The following RPH3AL variants were observed in gnomAD, a reference collection of about 807,000 sequenced individuals.
RPH3AL encodes the protein rab effector Noc2.
In RPH3AL, 38 loss-of-function variants were observed where a neutral mutation model predicts 43.1. That is an observed-to-expected ratio of 0.88 (90% CI 0.68 to 1.15). The LOEUF (loss-of-function observed/expected upper bound fraction) is 1.15. Among genes scored for constraint, RPH3AL ranks in the 50% most tolerant of loss-of-function variants. The pLI, the probability that RPH3AL is intolerant of heterozygous loss-of-function variation, is 0.00. For missense variants in RPH3AL, 462 were observed against 423.2 expected, an observed-to-expected ratio of 1.09 and a Z score of -0.81; for synonymous variants, 189 against 176.3, an observed-to-expected ratio of 1.07 and a Z score of -0.57.
rs1460941477 is a variant in RPH3AL at position 213,910 on chromosome 17, G to T, written c.890C>A (p.Pro297His). 1 of 1,613,084 alleles carries T rather than the reference G, an allele frequency of 6.2e-7. No individual in the cohort carries two copies. Among genetic ancestry groups the T allele is most frequent in the Non-Finnish European group, 8.5e-7 (1 of 1,179,822 alleles). ...TGCGTCAGCAGCGGGGGCTCGTCCA[G>T]GTGTGTCTTTTACCTTTGGATGAGA... Reference protein sequence around the residue: ...LTRRAPVKDTPGRAPAADAAP... With the variant: ...LTRRAPVKDTHGRAPAADAAP... Residue 297 changes from proline to histidine, a missense_variant, in exon 10 of 10, where the codon CCT becomes CAT. By Grantham distance (77) the Pro-to-His change is moderately conservative. Transcript: ENST00000331302.
chr17:219,603 C>T lies in RPH3AL; in HGVS notation c.727+20G>A. ...TGCACCGTGCCCGGCCAATAAGCAG[C>T]ATTTCACTCCCCACCTTACCTGACT... On this transcript the variant is annotated intron_variant, in intron 8 of 9. Transcript: ENST00000331302. 1 of 1,416,234 alleles carries T rather than the reference C, an allele frequency of 7.1e-7. No individual in the cohort carries two copies. Among genetic ancestry groups the T allele is most frequent in the Non-Finnish European group, 9.6e-7 (1 of 1,039,244 alleles). The allele number at this position is 1,416,234 out of a possible 1,614,324, so 87.7% of individuals were successfully genotyped here. A position where few individuals can be genotyped will look rare whatever the true frequency, so the allele number is the denominator to read the frequency against.
intron 2 of RPH3AL, among the ~76,000 whole-genome samples, chr17:329,679 A>G (rs748589811): frequency 3.3e-5 from 5 of 152,172 alleles, no homozygotes; most frequent in Non-Finnish European, 5.9e-5. Flanking sequence ...GACAAATGAC[A>G]CTGTTTTACA....
chr17:272,406 C>T (rs1052477310), intron 6 of RPH3AL, among the ~76,000 whole-genome samples: 1 of 151,828 alleles, frequency 6.6e-6, no homozygotes, highest in African/African-American at 2.4e-5. Context: ...ACATATACAC[C>T]ATGGAGTACT....
chr17:303,042 G>A (rs1023502609), intron 5 of RPH3AL, among the ~76,000 whole-genome samples: 1 of 152,222 alleles, frequency 6.6e-6, no homozygotes, highest in Non-Finnish European at 1.5e-5. Context: ...CAATAAACTT[G>A]GCAGTTCTCT....
At chr17:280,665 C>T (rs1286618823) in intron 6 of RPH3AL, among the ~76,000 whole-genome samples, 1 of 152,166 alleles carries the variant, frequency 6.6e-6, no homozygotes, top group Non-Finnish European at 1.5e-5. Flanking sequence ...ACCCACGAAA[C>T]CAATGGGGAA....
intron 7 of RPH3AL, among the ~76,000 whole-genome samples, chr17:243,356 T>TTCCTCTATTGATTACCCC: frequency 7.5e-6 from 1 of 133,520 alleles, no homozygotes; most frequent in Admixed American, 7.5e-5. Flanking sequence ...CTGATTACCC[T>TTCCTCTATTGATTACCCC]TCCTCTATTG....
Position 274,910 on chromosome 17 carries a change from A to C in RPH3AL, c.438+6858T>G, listed in dbSNP as rs1212587436. Among the ~76,000 whole-genome samples, 5 of 152,222 alleles carry C rather than the reference A, an allele frequency of 3.3e-5. No homozygotes were observed. The highest frequency in any genetic ancestry group is 1.2e-4 in the African/African-American group (5 of 41,448). On this transcript the variant is annotated intron_variant, in intron 6 of 9. Coordinates refer to ENST00000331302, the MANE Select transcript of RPH3AL (RefSeq NM_006987.4). The surrounding 1 kb of genome is among the most constrained non-coding windows in gnomAD (Gnocchi z 4.7). ...AATAAAATAGAAAACCAAAAGAAGA[A>C]AAGGAGCAAAATAAAGGAAATAATG...
chr17:250,943 T>G (rs2151552333), intron 6 of RPH3AL, among the ~76,000 whole-genome samples: 1 of 152,358 alleles, frequency 6.6e-6, no homozygotes, highest in East Asian at 1.9e-4. Flanking sequence ...TAAGCTCAGG[T>G]GCACAGGGTT....
rs77379482 is a variant in RPH3AL at position 218,466 on chromosome 17, C to T, written c.727+1157G>A. 1.2e-3 allele frequency among the ~76,000 whole-genome samples: 51 copies of T among 41,492 alleles called. No homozygotes were observed. In the East Asian group the frequency reaches 0.034, roughly 28 times the overall value. The allele number at this position is 41,492 out of a possible 152,430, so 27.2% of individuals were successfully genotyped here. On this transcript the variant is annotated intron_variant, in intron 8 of 9. Transcript: ENST00000331302. ...TCTTCTTCTGCACTAAAATTGGCCT[C>T]GCTGAAATCAGGACCTCCAAGGCAT...
rs139713721 is a variant in RPH3AL at position 247,986 on chromosome 17, C to G, written c.439-701G>C. Among the ~76,000 whole-genome samples, 302 of 152,236 alleles carry G rather than the reference C, an allele frequency of 2.0e-3. 1 individual carries two copies. Among genetic ancestry groups the G allele is most frequent in the African/African-American group, 6.9e-3 (288 of 41,540 alleles). ...GGCTGCACGGGACAGACTCTCCCAGCCACAAGTACCTGCAGGCACCTCACC... is the reference window on the plus strand; with the variant it reads ...GGCTGCACGGGACAGACTCTCCCAGGCACAAGTACCTGCAGGCACCTCACC... On this transcript the variant is annotated intron_variant, in intron 6 of 9. Coordinates refer to ENST00000331302, the MANE Select transcript of RPH3AL (RefSeq NM_006987.4).
chr17:233,934 A>C (rs2041295475), intron 7 of RPH3AL, among the ~76,000 whole-genome samples: 1 of 78,672 alleles, frequency 1.3e-5, no homozygotes, highest in Admixed American at 1.3e-4. Context: ...AACTTCCCTG[A>C]GCAGGGAGCG....
At position 281,858 on chromosome 17, in the gene RPH3AL, C is replaced by A. The variant is rs774601063; in HGVS notation, c.352-4G>T. 2 of 1,612,832 alleles carry A rather than the reference C, an allele frequency of 1.2e-6. No homozygotes were observed. The highest frequency in any genetic ancestry group is 2.7e-5 in the African/African-American group (2 of 74,968). On this transcript the variant is annotated splice_polypyrimidine_tract_variant and splice_region_variant and intron_variant, in intron 5 of 9. Coordinates refer to ENST00000331302, the MANE Select transcript of RPH3AL (RefSeq NM_006987.4). ...TCCCACATTTGGTGCAGACTTTCTA[C>A]AAGAGAGAGGACATGGGGTTGTAAA...
intron 7 of RPH3AL, among the ~76,000 whole-genome samples, chr17:238,813 A>G (rs937026311): frequency 1.3e-5 from 2 of 152,148 alleles, no homozygotes; most frequent in African/African-American, 4.8e-5. Context: ...GAGGGGATGA[A>G]CCCAGCTCTA....
At chr17:335,302 G>A (rs1489142012) in intron 1 of RPH3AL, among the ~76,000 whole-genome samples, 2 of 152,146 alleles carry the variant, frequency 1.3e-5, no homozygotes, top group Non-Finnish European at 2.9e-5. Flanking sequence ...CGGAGGGGCT[G>A]GGGGAAGTCG....
At chr17:327,808 G>A (rs1356603467) in intron 2 of RPH3AL, among the ~76,000 whole-genome samples, 4 of 152,154 alleles carry the variant, frequency 2.6e-5, no homozygotes, top group Admixed American at 6.5e-5. Flanking sequence ...TCATGTGGCC[G>A]AGTGACAAGA....
At chr17:321,237 G>A (rs2044461373) in intron 4 of RPH3AL, 35 bp downstream of exon 4, 1 of 1,590,388 alleles carries the variant, frequency 6.3e-7, no homozygotes, top group African/African-American at 1.3e-5. Context: ...AGCCCTTGCT[G>A]TCCTCCCACT....
In RPH3AL at chr17:240,928, G is replaced by A. The variant is rs377466700; in HGVS notation, c.613+6183C>T. 3.2e-4 allele frequency among the ~76,000 whole-genome samples: 48 copies of A among 151,964 alleles called. 1 individual carries two copies. The East Asian group carries it at 6.6e-3, about 21-fold the overall frequency. On this transcript the variant is annotated intron_variant, in intron 7 of 9. Coordinates refer to ENST00000331302, the MANE Select transcript of RPH3AL (RefSeq NM_006987.4). Reference sequence around the variant, plus strand: ...AAAAAATGAGCTCGGCGTGTAGCGGGCGCCTGTAGTCCCAGCTACTCAGGA... The same window carrying A: ...AAAAAATGAGCTCGGCGTGTAGCGGACGCCTGTAGTCCCAGCTACTCAGGA...
At chr17:243,585 C>T (rs971891561) in intron 7 of RPH3AL, among the ~76,000 whole-genome samples, 1 of 137,672 alleles carries the variant, frequency 7.3e-6, no homozygotes, top group Non-Finnish European at 1.5e-5. Flanking sequence ...ATTACCCTTC[C>T]TCTATTGATT....
chr17:263,419 G>GAA (rs1428065576), intron 6 of RPH3AL, among the ~76,000 whole-genome samples: 2 of 152,326 alleles, frequency 1.3e-5, no homozygotes, highest in South Asian at 2.1e-4. Context: ...GGTACATCAA[G>GAA]AAAGGCACGG....
Sources: gnomAD v4.1 joint callset for allele counts (sites outside exome capture counted in the v4.1 genomes callset) on GRCh38, gnomAD v4.1.1 for gene constraint, Gnocchi (gnomAD v3.1) non-coding constraint, MANE v1.5 for transcripts, NCBI Gene and HGNC (gene_info 2026-07-23, HGNC 2026-07-21) for gene names.